GRAP2: variants seen among roughly 807,000 people sequenced by gnomAD.
GRAP2 encodes GRB2 related adaptor protein 2.
Under a neutral mutation model 43.5 loss-of-function variants are expected in GRAP2, and 31 were observed. That is an observed-to-expected ratio of 0.71 (90% CI 0.54 to 0.96). The LOEUF is 0.96. GRAP2 is among the 40% of genes least tolerant of loss of function. The probability of loss-of-function intolerance (pLI) is 0.00; values close to 1 mark genes in which losing one functional copy is unlikely to be tolerated. For synonymous variants in GRAP2, 156 were observed against 164.8 expected (o/e 0.95, Z 0.41); for missense variants, 371 against 424.4 (o/e 0.87, Z 1.11).
At chr22:39,954,698 G>C (rs1193611032) in intron 2 of GRAP2, among the ~76,000 whole-genome samples, 1 of 152,116 alleles carries the variant, frequency 6.6e-6, no homozygotes, top group Non-Finnish European at 1.5e-5. Context: ...CCTGGCCTCA[G>C]ACTTTCAAAA....
chr22:39,952,028 T>G (rs988025382), intron 2 of GRAP2, among the ~76,000 whole-genome samples: 2 of 151,406 alleles, frequency 1.3e-5, no homozygotes, highest in African/African-American at 4.8e-5. Flanking sequence ...GGTTTTTTTT[T>G]TTTTTTTTTT....
At chr22:39,962,049 T>C (rs989577519) in intron 4 of GRAP2, among the ~76,000 whole-genome samples, 1 of 152,262 alleles carries the variant, frequency 6.6e-6, no homozygotes, top group South Asian at 2.1e-4. Context: ...TGGTTAACTT[T>C]AGTTCAGGCC....
intron 1 of GRAP2, among the ~76,000 whole-genome samples, chr22:39,940,584 T>A (rs969267377): frequency 9.2e-5 from 14 of 152,226 alleles, no homozygotes; most frequent in Admixed American, 6.5e-4. Context: ...GGTAATAAAC[T>A]AAGGCAGAAA....
chr22:39,915,717 G>A (rs1000317165), intron 1 of GRAP2, among the ~76,000 whole-genome samples: 17 of 152,312 alleles, frequency 1.1e-4, no homozygotes, highest in African/African-American at 3.8e-4. Context: ...GTAATAACGT[G>A]TATCAAAAAG....
chr22:39,955,944 C>A, intron 3 of GRAP2, 34 bp downstream of exon 3: 1 of 910,404 alleles, frequency 1.1e-6, no homozygotes, highest in South Asian at 1.3e-5. Flanking sequence ...ATGGGCCTAG[C>A]CACACACACT....
intron 2 of GRAP2, among the ~76,000 whole-genome samples, chr22:39,953,602 G>GTCGCTCTC (rs1400360463): frequency 2.2e-4 from 34 of 152,088 alleles, no homozygotes; most frequent in African/African-American, 7.7e-4. Flanking sequence ...ACAGAGCTCT[G>GTCGCTCTC]TCGCTCTCTC....
chr22:39,960,464 T>C lies in GRAP2; in HGVS notation c.290+290T>C, dbSNP rs74667649. 1,774 of 375,578 alleles carry C rather than the reference T, an allele frequency of 4.7e-3. 22 individuals are homozygous for C. Among genetic ancestry groups the C allele is most frequent in the African/African-American group, 0.032 (1,608 of 49,894 alleles). The allele number at this position is 375,578 out of a possible 1,614,324, so 23.3% of individuals were successfully genotyped here. A position where few individuals can be genotyped will look rare whatever the true frequency, so the allele number is the denominator to read the frequency against. On this transcript the variant is annotated intron_variant, in intron 4 of 7. Coordinates refer to ENST00000344138, the MANE Select transcript of GRAP2 (RefSeq NM_004810.4). ...GCAGGATTTTCCTCTACTTCATCTT[T>C]ATGCCTTTAACAGTGTCTTGCATAA...
chr22:39,931,270 C>T (rs1024460539), intron 1 of GRAP2, among the ~76,000 whole-genome samples: 1 of 152,106 alleles, frequency 6.6e-6, no homozygotes, highest in African/African-American at 2.4e-5. Context: ...ATAGAAATCA[C>T]CAATTCCTGG....
At chr22:39,913,466 G>C (rs140839196) in intron 1 of GRAP2, among the ~76,000 whole-genome samples, 22 of 152,288 alleles carry the variant, frequency 1.4e-4, no homozygotes, top group African/African-American at 5.1e-4. Flanking sequence ...CTAGAACTGG[G>C]GCGCCTCAGA....
At chr22:39,933,742 G>T (rs1685732035) in intron 1 of GRAP2, among the ~76,000 whole-genome samples, 1 of 151,918 alleles carries the variant, frequency 6.6e-6, no homozygotes, top group African/African-American at 2.4e-5. Context: ...TCAGGAGGCT[G>T]AGGCAGGAGA....
At chr22:39,967,411 C>T (rs1368987800) in intron 5 of GRAP2, among the ~76,000 whole-genome samples, 1 of 152,132 alleles carries the variant, frequency 6.6e-6, no homozygotes, top group Non-Finnish European at 1.5e-5. Flanking sequence ...TTGTAAAGCG[C>T]TTAGAACAGT....
chr22:39,961,038 C>T (rs994617801), intron 4 of GRAP2: 1 of 151,840 alleles, frequency 6.6e-6, no homozygotes, highest in African/African-American at 2.4e-5. Context: ...CTCTGTGTCC[C>T]AGGCTCAAGC....
At chr22:39,959,974 CTG>C in intron 3 of GRAP2, 79 bp from the exon 4 acceptor site, 1 of 1,349,786 alleles carries the variant, frequency 7.4e-7, no homozygotes, top group Non-Finnish European at 1.1e-6. Flanking sequence ...CTCTTTCCCT[CTG>C]GGTCACCTCT....
At chr22:39,964,080 C>A (rs2067146104) in intron 4 of GRAP2, 1 of 310,068 alleles carries the variant, frequency 3.2e-6, no homozygotes, top group African/African-American at 2.2e-5. Context: ...AAATTCTTGA[C>A]CTTTCTTTTA....
At chr22:39,967,471 A>G (rs2067186327) in intron 5 of GRAP2, among the ~76,000 whole-genome samples, 1 of 152,224 alleles carries the variant, frequency 6.6e-6, no homozygotes. Flanking sequence ...TGTTAAATGA[A>G]ACTAACAATA....
At chr22:39,953,988 A>G (rs2067018641) in intron 2 of GRAP2, among the ~76,000 whole-genome samples, 1 of 152,184 alleles carries the variant, frequency 6.6e-6, no homozygotes. Flanking sequence ...CTACATTTCA[A>G]GATATTCACA....
At chr22:39,966,853 A>C (rs1199922767) in intron 5 of GRAP2, among the ~76,000 whole-genome samples, 1 of 152,222 alleles carries the variant, frequency 6.6e-6, no homozygotes, top group African/African-American at 2.4e-5. Flanking sequence ...TGTAGAATGG[A>C]GAGAGCAATA....
intron 2 of GRAP2, among the ~76,000 whole-genome samples, chr22:39,955,374 C>CAAA (rs2067036538): frequency 6.7e-6 from 1 of 148,884 alleles, no homozygotes; most frequent in African/African-American, 2.5e-5. Flanking sequence ...CGAAAAACAA[C>CAAA]AACAAAAAAA....
chr22:39,932,548 CAAAAAAAAA>C (rs137982), intron 1 of GRAP2, among the ~76,000 whole-genome samples: 2 of 43,406 alleles, frequency 4.6e-5, no homozygotes, highest in East Asian at 1.1e-3. Flanking sequence ...CCTGTCTCTA[CAAAAAAAAA>C]AAAAAAAAAA....
Sources: allele counts gnomAD v4.1 joint callset (sites outside exome capture counted in the v4.1 genomes callset), GRCh38; gene constraint gnomAD v4.1.1; transcripts MANE v1.5; gene names NCBI Gene and HGNC (gene_info 2026-07-23, HGNC 2026-07-21).